Variants in TWIST2 observed in about 807,000 individuals in gnomAD.
The protein encoded by TWIST2 is twist family bHLH transcription factor 2.
In TWIST2, 1 loss-of-function variant was observed where a neutral mutation model predicts 11.6. The ratio of observed to expected loss-of-function variants is 0.09; its 90% confidence interval spans 0.03 to 0.41. The LOEUF (loss-of-function observed/expected upper bound fraction) is 0.41, where lower values mean the gene tolerates loss of function less well. TWIST2 is among the 10% of genes least tolerant of loss of function. The pLI, the probability that TWIST2 is intolerant of heterozygous loss-of-function variation, is 0.98. For synonymous variants in TWIST2, 87 were observed against 96.6 expected, an observed-to-expected ratio of 0.90 and a Z score of 0.58; for missense variants, 168 against 226.4, an observed-to-expected ratio of 0.74 and a Z score of 1.66.
chr2:238,887,160 A>C (rs1384403732), intron 1 of TWIST2: 1 of 152,166 alleles, frequency 6.6e-6, no homozygotes, highest in African/African-American at 2.4e-5. Context: ...CCCACCCCTT[A>C]GAGGAGGAAG....
rs1692555102 is a variant in TWIST2, at chr2:238,867,192, C to T, written c.*35+18459C>T. 6.6e-6 allele frequency among the ~76,000 whole-genome samples: 1 copy of T among 151,910 alleles called. No individual in the cohort carries two copies. Among genetic ancestry groups the T allele is most frequent in the African/African-American group, 2.4e-5 (1 of 41,316 alleles). The stretch of plus-strand genomic sequence containing the variant: ...GAGGCTGGCTGTAACATTGGAGGGG[C>T]CACAACCCCCGAATTTCTTCTGCAG... On this transcript the variant is annotated intron_variant, in intron 1 of 1. Coordinates refer to ENST00000612363, the MANE Select transcript of TWIST2 (RefSeq NM_001271893.4). This position sits in a 1 kb window ranked among gnomAD's most constrained non-coding sequence, Gnocchi z 4.8.
At chr2:238,892,219 G>A (rs544477407) in intron 1 of TWIST2, among the ~76,000 whole-genome samples, 3 of 152,282 alleles carry the variant, frequency 2.0e-5, no homozygotes, top group Non-Finnish European at 2.9e-5. Flanking sequence ...ACGGCGGAAC[G>A]CAGACACCTG....
intron 1 of TWIST2, among the ~76,000 whole-genome samples, chr2:238,893,606 T>C (rs1221251490): frequency 5.9e-5 from 9 of 152,104 alleles, no homozygotes; most frequent in Admixed American, 5.9e-4. Flanking sequence ...TCTCAAAGCC[T>C]CCGTGTGCTC....
chr2:238,848,814 G>T, intron 1 of TWIST2, 81 bp downstream of exon 1: 1 of 1,159,252 alleles, frequency 8.6e-7, no homozygotes, highest in Non-Finnish European at 1.1e-6. Context: ...GCCTGCTCGT[G>T]TCTCCTCGGC....
intron 1 of TWIST2, among the ~76,000 whole-genome samples, chr2:238,905,890 CATGCGCGTGTGTGCGTGTGT>C (rs1693337189): frequency 8.4e-6 from 1 of 119,652 alleles, no homozygotes; most frequent in African/African-American, 3.1e-5. Flanking sequence ...CATGTGCGCG[CATGCGCGTGTGTGCGTGTGT>C]GTGCGTGCAG....
At chr2:238,894,315 A>G (rs1693181755) in intron 1 of TWIST2, among the ~76,000 whole-genome samples, 1 of 151,144 alleles carries the variant, frequency 6.6e-6, no homozygotes, top group African/African-American at 2.4e-5. Context: ...CCCCGAGATG[A>G]CTCCTCCTCT....
intron 1 of TWIST2, among the ~76,000 whole-genome samples, chr2:238,882,999 A>G (rs892170047): frequency 2.6e-5 from 4 of 152,274 alleles, no homozygotes; most frequent in Middle Eastern, 6.8e-3. Context: ...AGCTCTTGAC[A>G]TCATTCCCTC....
rs1229428285 is a variant in TWIST2 at position 238,867,370 on chromosome 2, A to AACACACACACACACACACACACAC, written c.*35+18656_*35+18679dup. 4.7e-4 allele frequency among the ~76,000 whole-genome samples: 56 copies of AACACACACACACACACACACACAC among 119,736 alleles called. 2 individuals carry two copies. The highest frequency in any genetic ancestry group is 7.6e-4 in the East Asian group (3 of 3,954). The allele number at this position is 119,736 out of a possible 152,430, so 78.6% of individuals were successfully genotyped here. On this transcript the variant is annotated intron_variant, in intron 1 of 1. Transcript: ENST00000612363. This position sits in a 1 kb window ranked among gnomAD's most constrained non-coding sequence, Gnocchi z 4.8. Reference sequence around the variant, plus strand: ...CTGGGGAGTAAAATGTCCTGCCTTCAACACACACACACACACACACACACA... The same window carrying AACACACACACACACACACACACAC: ...CTGGGGAGTAAAATGTCCTGCCTTCAACACACACACACACACACACACACACACACACACACACACACACACACA...
intron 1 of TWIST2, among the ~76,000 whole-genome samples, chr2:238,893,375 T>A (rs1476985232): frequency 6.6e-6 from 1 of 152,176 alleles, no homozygotes; most frequent in East Asian, 1.9e-4. Context: ...TGGCTTATGG[T>A]CAGCGTTGTT....
intron 1 of TWIST2, among the ~76,000 whole-genome samples, chr2:238,892,258 A>T (rs2106369921): frequency 6.6e-6 from 1 of 152,304 alleles, no homozygotes; most frequent in East Asian, 1.9e-4. Flanking sequence ...GACAGAGAGA[A>T]ACAGAGGTCC....
chr2:238,881,363 TA>T (rs1017597923), intron 1 of TWIST2, among the ~76,000 whole-genome samples: 43 of 150,972 alleles, frequency 2.8e-4, no homozygotes, highest in African/African-American at 1.0e-3. Context: ...GTATTAGTGT[TA>T]GTGTTAGTAT....
At chr2:238,896,647 TC>T (rs1693211160) in intron 1 of TWIST2, among the ~76,000 whole-genome samples, 1 of 152,110 alleles carries the variant, frequency 6.6e-6, no homozygotes, top group African/African-American at 2.4e-5. Flanking sequence ...CACCCATCAA[TC>T]CTCTGGGGGT....
rs546488072 is a variant in TWIST2, at chr2:238,871,827, C to T, written c.*35+23094C>T. On this transcript the variant is annotated intron_variant, in intron 1 of 1. Coordinates refer to ENST00000612363, the MANE Select transcript of TWIST2 (RefSeq NM_001271893.4). Reference sequence around the variant, plus strand: ...CAAACACTCTATGACTCCACTTACACGGGGAACCTCGTGCAGCCGGATTCA... The same window carrying T: ...CAAACACTCTATGACTCCACTTACATGGGGAACCTCGTGCAGCCGGATTCA... Among the ~76,000 whole-genome samples the T allele has an allele frequency of 5.9e-5, 9 of 152,230 alleles. No homozygotes were observed. In the South Asian group the frequency reaches 6.2e-4, roughly 11 times the overall value.
At chr2:238,890,539 G>A (rs1176092234) in intron 1 of TWIST2, among the ~76,000 whole-genome samples, 1 of 152,122 alleles carries the variant, frequency 6.6e-6, no homozygotes, top group Non-Finnish European at 1.5e-5. Flanking sequence ...TGCATGTGTG[G>A]CCAACTCTCA....
chr2:238,883,237 C>T (rs1376598207), intron 1 of TWIST2, among the ~76,000 whole-genome samples: 1 of 152,132 alleles, frequency 6.6e-6, no homozygotes, highest in African/African-American at 2.4e-5. Flanking sequence ...GACGGTTCCT[C>T]CCCCCAGGCA....
At chr2:238,896,336 C>T (rs1693207147) in intron 1 of TWIST2, among the ~76,000 whole-genome samples, 1 of 152,240 alleles carries the variant, frequency 6.6e-6, no homozygotes, top group African/African-American at 2.4e-5. Flanking sequence ...AGCAAACAGG[C>T]CACTGTCCCC....
chr2:238,855,883 T>C (rs1033127531), intron 1 of TWIST2, among the ~76,000 whole-genome samples: 5 of 152,208 alleles, frequency 3.3e-5, no homozygotes, highest in Non-Finnish European at 7.3e-5. Flanking sequence ...CAGTGTGTGC[T>C]TGGCGACTCC....
chr2:238,848,175 C>T lies in TWIST2; in HGVS notation c.-41C>T. On this transcript the variant is annotated 5_prime_UTR_variant, in exon 1 of 2. Coordinates refer to ENST00000612363, the MANE Select transcript of TWIST2 (RefSeq NM_001271893.4). ...GGCTTGGCCAGCGGCGCGCGCTCGG[C>T]GCCCCGGCGCCCCCAGCCCCACGCG... is the stretch of plus-strand genomic sequence containing the variant. 8.3e-7 allele frequency: 1 copy of T among 1,208,628 alleles called. No homozygotes were observed. Among genetic ancestry groups the T allele is most frequent in the South Asian group, 4.1e-5 (1 of 24,312 alleles). 74.9% of individuals were successfully genotyped at this position (1,208,628 alleles called of 1,614,324 possible). A position where few individuals can be genotyped will look rare whatever the true frequency, so the allele number is the denominator to read the frequency against.
At position 238,855,759 on chromosome 2, in the gene TWIST2, A is replaced by C. The variant is rs558377223; in HGVS notation, c.*35+7026A>C. 8.5e-5 allele frequency among the ~76,000 whole-genome samples: 13 copies of C among 152,306 alleles called. No individual in the cohort carries two copies. In the South Asian group the frequency reaches 2.1e-3, roughly 24 times the overall value. On this transcript the variant is annotated intron_variant, in intron 1 of 1. Transcript: ENST00000612363. ...TCAGGTCCCGTGATAGCTCAGTCAC[A>C]CGTGGAAATACAGACTGTAAATACA...
Sources: gnomAD v4.1 joint callset for allele counts (sites outside exome capture counted in the v4.1 genomes callset) on GRCh38, gnomAD v4.1.1 for gene constraint, Gnocchi (gnomAD v3.1) non-coding constraint, MANE v1.5 for transcripts, NCBI Gene and HGNC (gene_info 2026-07-23, HGNC 2026-07-21) for gene names.